SV2C: variants seen among roughly 807,000 people sequenced by gnomAD.
SV2C encodes the protein synaptic vesicle glycoprotein 2C, also known as solute carrier family 22 member B3.
In SV2C, 49 loss-of-function variants were observed where a neutral mutation model predicts 79.7. The ratio of observed to expected loss-of-function variants is 0.61; its 90% CI spans 0.49 to 0.78. SV2C has a LOEUF of 0.78. SV2C is among the 30% of genes least tolerant of loss of function. The pLI is 0.00. For missense variants in SV2C, 833 were observed against 912.9 expected (o/e 0.91, Z 1.13); for synonymous variants, 334 against 333.2 (o/e 1.00, Z -0.03).
the SV2C span, among the ~76,000 whole-genome samples, chr5:75,904,617 G>C: frequency 3.3e-5 from 5 of 152,282 alleles, no homozygotes; most frequent in South Asian, 2.1e-4. Flanking sequence ...TGATTCATCT[G>C]TCTGCACAAC....
intron 2 of SV2C, among the ~76,000 whole-genome samples, chr5:76,155,432 A>G (rs1452929340): frequency 6.6e-6 from 1 of 152,168 alleles, no homozygotes; most frequent in African/African-American, 2.4e-5. Context: ...GACTGGTGCA[A>G]CCAAGAATGC....
the SV2C span, among the ~76,000 whole-genome samples, chr5:75,874,745 T>A: frequency 6.6e-6 from 1 of 151,962 alleles, no homozygotes; most frequent in African/African-American, 2.4e-5. Flanking sequence ...AAATCACTAG[T>A]GTTCCCATAC....
chr5:75,898,754 T>C, the SV2C span, among the ~76,000 whole-genome samples: 1 of 152,186 alleles, frequency 6.6e-6, no homozygotes, highest in Non-Finnish European at 1.5e-5. Context: ...GATCCTGTTA[T>C]TGGTCTATTC....
At chr5:75,913,424 G>A in the SV2C span, among the ~76,000 whole-genome samples, 3 of 152,184 alleles carry the variant, frequency 2.0e-5, no homozygotes, top group African/African-American at 7.2e-5. Context: ...GTCCCAGGCA[G>A]GTGAGCTCCT....
At chr5:76,242,698 C>T (rs1006999653) in intron 4 of SV2C, among the ~76,000 whole-genome samples, 2 of 152,046 alleles carry the variant, frequency 1.3e-5, no homozygotes, top group African/African-American at 4.8e-5. Flanking sequence ...TCTGCACTGA[C>T]CATCTGCATA....
At chr5:75,883,717 T>G in the SV2C span, among the ~76,000 whole-genome samples, 1 of 146,876 alleles carries the variant, frequency 6.8e-6, no homozygotes, top group African/African-American at 2.5e-5. Flanking sequence ...GGGATAGCAT[T>G]GGGAGATATA....
intron 4 of SV2C, among the ~76,000 whole-genome samples, chr5:76,243,251 A>C (rs1186093909): frequency 1.3e-5 from 2 of 152,180 alleles, no homozygotes; most frequent in Non-Finnish European, 2.9e-5. Flanking sequence ...ATGTTTTCTA[A>C]AAACAGAGTT....
chr5:76,101,366 G>T (rs879479088), intron 1 of SV2C, among the ~76,000 whole-genome samples: 5 of 152,206 alleles, frequency 3.3e-5, no homozygotes, highest in Non-Finnish European at 5.9e-5. Context: ...AGAAATACCA[G>T]TTAGGAGTGG....
intron 4 of SV2C, among the ~76,000 whole-genome samples, chr5:76,272,279 T>C (rs960482348): frequency 1.3e-5 from 2 of 152,214 alleles, no homozygotes; most frequent in African/African-American, 2.4e-5. Flanking sequence ...GAAAAATCTT[T>C]CACCTAACAA....
At chr5:76,042,052 C>A in the SV2C span, among the ~76,000 whole-genome samples, 1 of 152,180 alleles carries the variant, frequency 6.6e-6, no homozygotes, top group Admixed American at 6.5e-5. Context: ...GCCTGCCACC[C>A]GCCATTCAGG....
rs1467420233 is a variant in SV2C at position 76,090,978 on chromosome 5, G to A, written c.-102+7466G>A. On this transcript the variant is annotated intron_variant, in intron 1 of 12. Transcript: ENST00000502798. ...CCGACTAGCCTCTTTTAAAATGCAC[G>A]TATTTTAATATCACTTTTTAGTAGT... 3.9e-5 allele frequency among the ~76,000 whole-genome samples: 6 copies of A among 152,128 alleles called. No individual in the cohort carries two copies. The East Asian group carries it at 5.8e-4, about 15-fold the overall frequency.
chr5:76,129,533 A>T (rs771487247), intron 1 of SV2C, among the ~76,000 whole-genome samples: 1 of 152,158 alleles, frequency 6.6e-6, no homozygotes, highest in Non-Finnish European at 1.5e-5. Context: ...TGCTTAGACT[A>T]CTTAGGGGAT....
chr5:75,898,951 T>A, the SV2C span, among the ~76,000 whole-genome samples: 1 of 147,258 alleles, frequency 6.8e-6, no homozygotes, highest in Non-Finnish European at 1.5e-5. Context: ...TTTTTGATTC[T>A]TCTTTCTTTT....
At chr5:76,192,248 G>T (rs543477256) in intron 2 of SV2C, among the ~76,000 whole-genome samples, 1 of 152,282 alleles carries the variant, frequency 6.6e-6, no homozygotes, top group Non-Finnish European at 1.5e-5. Context: ...AGTGGGTTTG[G>T]AGTGGCGTCT....
the SV2C span, among the ~76,000 whole-genome samples, chr5:75,885,976 C>T: frequency 2.0e-5 from 3 of 152,138 alleles, no homozygotes; most frequent in South Asian, 2.1e-4. Context: ...CACTCAGTTC[C>T]GTGGGGAGCT....
In SV2C at chr5:76,102,394, G is replaced by A. The variant is rs185056433; in HGVS notation, c.-102+18882G>A. Among the ~76,000 whole-genome samples the A allele has an allele frequency of 7.9e-5, 12 of 152,156 alleles. No individual in the cohort carries two copies. In the East Asian group the frequency reaches 1.9e-3, roughly 25 times the overall value. ...TGATTTCCTTAGGGAAGTCATTCCT[G>A]GTCTTCTAAGGTCCACCTTAGGCAC... On this transcript the variant is annotated intron_variant, in intron 1 of 12. Transcript: ENST00000502798.
chr5:76,181,219 G>A (rs1174581806), intron 2 of SV2C, among the ~76,000 whole-genome samples: 1 of 152,144 alleles, frequency 6.6e-6, no homozygotes. Flanking sequence ...GTAGATAAAG[G>A]TTGGTAGGAA....
the SV2C span, among the ~76,000 whole-genome samples, chr5:75,863,122 T>C: frequency 0.015 from 2,292 of 152,264 alleles, 73 homozygotes; most frequent in African/African-American, 0.053. Flanking sequence ...ACAAGGTCTT[T>C]GAACAAAGAA....
chr5:76,048,195 A>T, the SV2C span, among the ~76,000 whole-genome samples: 2 of 152,180 alleles, frequency 1.3e-5, no homozygotes, highest in Non-Finnish European at 2.9e-5. Flanking sequence ...GTGATTATGG[A>T]GGCTAAGAAG....
Sources: allele counts gnomAD v4.1 joint callset (sites outside exome capture counted in the v4.1 genomes callset), GRCh38; gene constraint gnomAD v4.1.1; transcripts MANE v1.5; gene names NCBI Gene and HGNC (gene_info 2026-07-23, HGNC 2026-07-21).